Variants in QRICH2 observed in about 807,000 individuals in gnomAD.
The protein encoded by QRICH2 is glutamine rich 2, also known as glutamine-rich protein 2.
QRICH2 carries 119 observed loss-of-function variants against 168.3 expected under a neutral mutation model. The ratio of observed to expected loss-of-function variants is 0.71; its 90% CI spans 0.61 to 0.82. The LOEUF (loss-of-function observed/expected upper bound fraction) is 0.82, where lower values mean the gene tolerates loss of function less well. Ranked by LOEUF, QRICH2 falls within the 40% of genes least tolerant of loss-of-function variation. The pLI, the probability that QRICH2 is intolerant of heterozygous loss-of-function variation, is 0.00. For missense variants in QRICH2, 2,241 were observed against 2,491.6 expected, an observed-to-expected ratio of 0.90 and a Z score of 2.14; for synonymous variants, 894 against 951.2, an observed-to-expected ratio of 0.94 and a Z score of 1.11.
At chr17:76,310,400 C>T (rs2071058350), upstream of QRICH2, 1 of 151,758 alleles carries the variant, frequency 6.6e-6, no homozygotes, top group Non-Finnish European at 1.5e-5. Context: ...AAACTCCTGA[C>T]CTCAGGTGAT....
intron 5 of QRICH2, among the ~76,000 whole-genome samples, 182 bp from the exon 6 acceptor site, chr17:76,288,079 G>T (rs556621404): frequency 6.6e-6 from 1 of 152,144 alleles, no homozygotes; most frequent in African/African-American, 2.4e-5. Context: ...GATGTAGAAA[G>T]CTGGCATTAA....
Position 76,307,673 on chromosome 17 carries a change from TG to T in QRICH2, c.325del (p.Gln109ArgfsTer5), listed in dbSNP as rs1036447606. 21 of 1,459,372 alleles carry T rather than the reference TG, an allele frequency of 1.4e-5. No homozygotes were observed. The African/African-American group carries it at 3.0e-4, about 21-fold the overall frequency. The allele number at this position is 1,459,372 out of a possible 1,614,324, so 90.4% of individuals were successfully genotyped here. ...LESQVKDLGG[Q>X]VEDLSKQLKR... ...GAGCTGCTTGCTCAGGTCCTCCACC[TG>T]GCCGCCCAGGTCCTTCACTTGGCTC... On this transcript the variant is annotated frameshift_variant, in exon 1 of 19. Transcript: ENST00000680821. LOFTEE classifies it high-confidence loss of function. This position sits in a 1 kb window ranked among gnomAD's most constrained non-coding sequence, Gnocchi z 5.3.
chr17:76,294,812 CAA>C (rs35491289), intron 3 of QRICH2, among the ~76,000 whole-genome samples: 4 of 104,088 alleles, frequency 3.8e-5, no homozygotes, highest in Admixed American at 1.0e-4. Context: ...GACTCCTTCT[CAA>C]AAAAAAAAAA....
At chr17:76,282,288 C>T (rs750061088) in intron 7 of QRICH2, among the ~76,000 whole-genome samples, 173 bp from the exon 8 acceptor site, 4 of 152,208 alleles carry the variant, frequency 2.6e-5, no homozygotes, top group Non-Finnish European at 5.9e-5. Flanking sequence ...ATCCAGTAAA[C>T]GGTGAGTAGA....
rs758967969 is a variant in QRICH2 at position 76,296,777 on chromosome 17, CAAAAAAAAAAAAA to C, written c.706-2769_706-2757del. Reference sequence around the variant, plus strand: ...TGGGCAACAGAGCATGGCTCTGTCTCAAAAAAAAAAAAAAAAAAAAATAACCAGAAAGAAGGGA... The same window carrying C: ...TGGGCAACAGAGCATGGCTCTGTCTCAAAAAAAATAACCAGAAAGAAGGGA... On this transcript the variant is annotated intron_variant, in intron 3 of 18. Transcript: ENST00000680821. Among the ~76,000 whole-genome samples, 53 of 90,810 alleles carry C rather than the reference CAAAAAAAAAAAAA, an allele frequency of 5.8e-4. No homozygotes were observed. In the East Asian group the frequency reaches 0.016, roughly 27 times the overall value. 59.6% of individuals were successfully genotyped at this position (90,810 alleles called of 152,430 possible).
chr17:76,292,804 G>C lies in QRICH2; in HGVS notation c.1923C>G (p.Ile641Met). ...AQPGRDQHGL[I>M]QPGTGQHDLV... ...AATCATGCTGACCTGTGCCAGGCTG[G>C]ATCAAACCATGCTGATCTCTACCAG... The change falls in exon 4 of 19, where the codon ATC (isoleucine) becomes ATG (methionine). Residue 641 changes from isoleucine to methionine, a missense_variant. Ile to Met is a conservative substitution (Grantham distance 10, BLOSUM62 1). Around this residue, in one of 3 missense-constraint regions of QRICH2, gnomAD observed 2,047 missense variants for 2,303.8 expected, o/e 0.89. Coordinates refer to ENST00000680821, the MANE Select transcript of QRICH2 (RefSeq NM_001388453.1). 1 of 1,611,402 alleles carries C rather than the reference G, an allele frequency of 6.2e-7. No individual in the cohort carries two copies. The highest frequency in any genetic ancestry group is 8.5e-7 in the Non-Finnish European group (1 of 1,179,498).
Position 76,293,464 on chromosome 17 carries a change from A to C in QRICH2, c.1263T>G (p.Gly421=). The change falls in exon 4 of 19, where the codon GGT becomes GGG. Residue 421 remains glycine, a synonymous_variant. Coordinates refer to ENST00000680821, the MANE Select transcript of QRICH2 (RefSeq NM_001388453.1). ...GVVPLSMGQL[G]VPPPEMDDRE... is the part of the protein sequence containing the mutation. ...GATCATCCATTTCAGGTGGTGGCAC[A>C]CCAAGCTGACCCATGCTGAGGGGTA... 3.1e-6 allele frequency: 5 copies of C among 1,614,214 alleles called. No individual in the cohort carries two copies. The highest frequency in any genetic ancestry group is 3.4e-6 in the Non-Finnish European group (4 of 1,180,044).
At chr17:76,305,501 G>T (rs2070977535) in intron 1 of QRICH2, among the ~76,000 whole-genome samples, 2 of 152,266 alleles carry the variant, frequency 1.3e-5, no homozygotes, top group South Asian at 4.1e-4. Flanking sequence ...AGGCTCCTGG[G>T]TCTTTTCCCA....
intron 5 of QRICH2, among the ~76,000 whole-genome samples, chr17:76,289,488 G>A (rs2070949266): frequency 1.3e-5 from 2 of 152,128 alleles, no homozygotes; most frequent in Admixed American, 1.3e-4. Flanking sequence ...TGCCCAGCCT[G>A]AGCATCAGGT....
intron 3 of QRICH2, among the ~76,000 whole-genome samples, chr17:76,297,868 C>CTGT (rs2070823079): frequency 1.0e-5 from 1 of 95,974 alleles, no homozygotes; most frequent in Non-Finnish European, 2.0e-5. Context: ...ACTTAGGAAT[C>CTGT]TGTTTTTTTT....
In QRICH2 at chr17:76,287,859, A is replaced by G. The variant is rs1048637902; in HGVS notation, c.3837T>C (p.Asn1279=). The G allele has an allele frequency of 6.2e-7, 1 of 1,613,754 alleles. No homozygotes were observed. The highest frequency in any genetic ancestry group is 8.5e-7 in the Non-Finnish European group (1 of 1,179,864). The change falls in exon 6 of 19, where the codon AAT becomes AAC. Residue 1279 remains asparagine (N), a synonymous_variant. Coordinates refer to ENST00000680821, the MANE Select transcript of QRICH2 (RefSeq NM_001388453.1). ...CTTTCAGTTCCTTCCCTGCTTCTTG[A>G]TTCCCTTCCCCTTCCAGGATCCTCT... ...RLQRILEGEG[N]QEAGKELKAG...
chr17:76,279,316 C>G (rs539832441), intron 13 of QRICH2, 47 bp downstream of exon 13: 1 of 1,524,866 alleles, frequency 6.6e-7, no homozygotes, highest in East Asian at 2.3e-5. Flanking sequence ...AGGGAGGAGA[C>G]GCAGCCCTGC....
chr17:76,278,260 C>G, intron 14 of QRICH2, 71 bp from the exon 15 acceptor site: 1 of 1,506,650 alleles, frequency 6.6e-7, no homozygotes, highest in East Asian at 2.3e-5. Flanking sequence ...TAAGCCGAAT[C>G]CTTCAGTTCC....
intron 7 of QRICH2, among the ~76,000 whole-genome samples, chr17:76,283,874 C>A (rs1289081255): frequency 4.0e-5 from 5 of 125,178 alleles, no homozygotes; most frequent in East Asian, 2.1e-4. Flanking sequence ...AACTCTGTCT[C>A]AAAAAAAAAA....
chr17:76,286,806 C>T lies in QRICH2; in HGVS notation c.4011+386G>A, dbSNP rs972217348. Among the ~76,000 whole-genome samples, 7 of 141,904 alleles carry T rather than the reference C, an allele frequency of 4.9e-5. No homozygotes were observed. In the East Asian group the frequency reaches 1.1e-3, roughly 22 times the overall value. 93.1% of individuals were successfully genotyped at this position (141,904 alleles called of 152,430 possible). ...AGGAGAATTGCTTGAACCTGGGAGG[C>T]GGAGGTTGCAGTGAGCCAAGATGGC... On this transcript the variant is annotated intron_variant, in intron 7 of 18. Transcript: ENST00000680821.
Position 76,276,723 on chromosome 17 carries a change from CTT to C in QRICH2, c.5308_5309del (p.Lys1770GlyfsTer66). The C allele has an allele frequency of 6.2e-7, 1 of 1,613,806 alleles. No individual in the cohort carries two copies. Among genetic ancestry groups the C allele is most frequent in the Non-Finnish European group, 8.5e-7 (1 of 1,179,992 alleles). ...CTGGCAGCCTTGTGTCCATCCGTCC[CTT>C]GTAAATGTGGCCATCCAGGCCCAAG... ...DILGLDGHIY[K>X]GRMDTRLPGI... is the part of the protein sequence containing the mutation. On this transcript the variant is annotated frameshift_variant, in exon 17 of 19. Transcript: ENST00000680821. LOFTEE classifies it high-confidence loss of function.
At chr17:76,309,260 G>A (rs1438171037), upstream of QRICH2, among the ~76,000 whole-genome samples, 1 of 150,732 alleles carries the variant, frequency 6.6e-6, no homozygotes, top group Non-Finnish European at 1.5e-5. Context: ...GGAGGCTGAG[G>A]CAGGAGAATC....
chr17:76,296,638 C>T (rs183515367), intron 3 of QRICH2, among the ~76,000 whole-genome samples: 1 of 152,048 alleles, frequency 6.6e-6, no homozygotes, highest in East Asian at 1.9e-4. Context: ...GTTAGCCAGG[C>T]ACAGTGGCAC....
At chr17:76,284,912 T>A (rs528665819) in intron 7 of QRICH2, among the ~76,000 whole-genome samples, 1 of 150,038 alleles carries the variant, frequency 6.7e-6, no homozygotes, top group Non-Finnish European at 1.5e-5. Context: ...GAAACGCACA[T>A]CAAAACTATA....
Sources: gnomAD v4.1 joint callset for allele counts (sites outside exome capture counted in the v4.1 genomes callset) on GRCh38, gnomAD v4.1.1 for gene constraint, gnomAD v4.1.1 regional missense constraint, Gnocchi (gnomAD v3.1) non-coding constraint, MANE v1.5 for transcripts, NCBI Gene and HGNC (gene_info 2026-07-23, HGNC 2026-07-21) for gene names.